The following PPP2R2B variants were observed in gnomAD, a reference collection of about 807,000 sequenced individuals.
The protein encoded by PPP2R2B is protein phosphatase 2 regulatory subunit Bbeta.
A neutral mutation model predicts 46.0 loss-of-function variants in PPP2R2B; 5 were observed. The observed-to-expected ratio is 0.11, with a 90% CI of 0.06 to 0.23. The LOEUF (loss-of-function observed/expected upper bound fraction) is 0.23, where lower values mean the gene tolerates loss of function less well. Among genes scored for constraint, PPP2R2B ranks in the 10% least tolerant of loss-of-function variants. The probability of loss-of-function intolerance (pLI) is 1.00; values close to 1 mark genes in which losing one functional copy is unlikely to be tolerated. For missense variants in PPP2R2B, 367 were observed against 575.0 expected (o/e 0.64, Z 3.70); for synonymous variants, 215 against 206.7 (o/e 1.04, Z -0.34).
chr5:146,870,487 C>T (rs1286571686), intron 2 of PPP2R2B, among the ~76,000 whole-genome samples: 1 of 152,190 alleles, frequency 6.6e-6, no homozygotes, highest in Non-Finnish European at 1.5e-5. Flanking sequence ...AGAGAACTCA[C>T]CAGAAACCAA....
rs573769358 is a variant in PPP2R2B, at chr5:146,751,199, G to C, written c.71-50057C>G. The C allele has an allele frequency of 2.0e-5, 3 of 152,380 alleles. No individual in the cohort carries two copies. In the South Asian group the frequency reaches 6.2e-4, roughly 32 times the overall value. 9.4% of individuals were successfully genotyped at this position (152,380 alleles called of 1,614,324 possible). On this transcript the variant is annotated intron_variant, in intron 2 of 9. Coordinates refer to ENST00000394411, the MANE Select transcript of PPP2R2B (RefSeq NM_181675.4). ...GTTAATTCAGTTGATGATTCAACAT[G>C]TGCTATTTAATCCATTGCCTCCAGA...
intron 5 of PPP2R2B, among the ~76,000 whole-genome samples, chr5:146,685,957 A>T (rs138889578): frequency 0.01 from 1,558 of 152,298 alleles, 6 homozygotes; most frequent in Middle Eastern, 0.017. Flanking sequence ...GACATCAATC[A>T]ATAATAAAAC....
At chr5:147,052,854 C>A (rs140046347) in intron 1 of PPP2R2B, among the ~76,000 whole-genome samples, 112 of 152,000 alleles carry the variant, frequency 7.4e-4, no homozygotes, top group African/African-American at 2.4e-3. Flanking sequence ...AGAACCAAAT[C>A]TCCTCTAATG....
At chr5:147,015,701 T>C (rs1440601744) in intron 1 of PPP2R2B, among the ~76,000 whole-genome samples, 1 of 151,254 alleles carries the variant, frequency 6.6e-6, no homozygotes, top group Non-Finnish European at 1.5e-5. Flanking sequence ...CTCTTGAATC[T>C]TTATTCTCTT....
chr5:146,818,774 G>T (rs1758085243), intron 2 of PPP2R2B, among the ~76,000 whole-genome samples: 1 of 152,148 alleles, frequency 6.6e-6, no homozygotes, highest in Admixed American at 6.5e-5. Context: ...AAAGGATGCT[G>T]GCCTGGACAT....
chr5:146,713,814 A>G (rs956719088), intron 2 of PPP2R2B, among the ~76,000 whole-genome samples: 5 of 152,136 alleles, frequency 3.3e-5, no homozygotes, highest in Non-Finnish European at 7.4e-5. Context: ...ATTGTGAGTA[A>G]AGCAGGCTTT....
chr5:146,756,442 T>C (rs906543690), intron 2 of PPP2R2B, among the ~76,000 whole-genome samples: 1 of 152,192 alleles, frequency 6.6e-6, no homozygotes, highest in African/African-American at 2.4e-5. Context: ...ACGGCAGATG[T>C]GAGGTTTCTT....
chr5:146,839,336 C>T (rs546218344), intron 2 of PPP2R2B, among the ~76,000 whole-genome samples: 4 of 152,196 alleles, frequency 2.6e-5, no homozygotes, highest in South Asian at 2.1e-4. Flanking sequence ...GCCTGGGCAA[C>T]GTGGTGAAAC....
intron 1 of PPP2R2B, among the ~76,000 whole-genome samples, chr5:146,957,668 C>T (rs1751973875): frequency 6.6e-6 from 1 of 152,106 alleles, no homozygotes; most frequent in Non-Finnish European, 1.5e-5. Context: ...TTGTACTCTA[C>T]CCAGCTTTAG....
chr5:146,795,587 G>A (rs1227935063), intron 2 of PPP2R2B, among the ~76,000 whole-genome samples: 1 of 152,052 alleles, frequency 6.6e-6, no homozygotes, highest in Non-Finnish European at 1.5e-5. Context: ...TATACAACAT[G>A]GTGACTACAG....
chr5:146,603,003 G>C (rs1224171284), intron 7 of PPP2R2B, among the ~76,000 whole-genome samples: 1 of 152,198 alleles, frequency 6.6e-6, no homozygotes, highest in African/African-American at 2.4e-5. Flanking sequence ...CAGTAAAGTG[G>C]ATGGGCTTAG....
intron 2 of PPP2R2B, chr5:147,081,055 C>T (rs1275400263): frequency 9.1e-6 from 14 of 1,534,612 alleles, no homozygotes; most frequent in South Asian, 1.2e-5. Context: ...GGGATTTCTC[C>T]TACCTTCTGT....
At chr5:146,592,267 A>G in intron 9 of PPP2R2B, 1 of 328,094 alleles carries the variant, frequency 3.0e-6, no homozygotes, top group Non-Finnish European at 5.9e-6. Context: ...AGAGAGAGAC[A>G]GTTCATATTC....
At chr5:147,007,024 A>G (rs1250320037) in intron 1 of PPP2R2B, among the ~76,000 whole-genome samples, 1 of 152,082 alleles carries the variant, frequency 6.6e-6, no homozygotes, top group African/African-American at 2.4e-5. Context: ...CTGTATTTTT[A>G]ACCTCCTTGT....
At chr5:146,886,485 G>C (rs980771801) in intron 1 of PPP2R2B, among the ~76,000 whole-genome samples, 4 of 152,118 alleles carry the variant, frequency 2.6e-5, no homozygotes, top group African/African-American at 9.7e-5. Flanking sequence ...ATGTGAGTTA[G>C]ATATCAATAC....
chr5:146,744,378 CTT>C (rs747920283), intron 2 of PPP2R2B, among the ~76,000 whole-genome samples: 18 of 152,122 alleles, frequency 1.2e-4, no homozygotes, highest in Non-Finnish European at 1.9e-4. Flanking sequence ...TCATTTTTGG[CTT>C]TTTAGATGAA....
intron 1 of PPP2R2B, among the ~76,000 whole-genome samples, chr5:146,989,909 A>G (rs1753613494): frequency 6.6e-6 from 1 of 151,946 alleles, no homozygotes; most frequent in African/African-American, 2.4e-5. Flanking sequence ...GTTGCAGGAT[A>G]CAAAATCAAC....
chr5:146,691,752 T>C (rs1394860413), intron 4 of PPP2R2B, among the ~76,000 whole-genome samples: 16 of 152,140 alleles, frequency 1.1e-4, no homozygotes, highest in Non-Finnish European at 7.4e-5. Context: ...ATCCTCTCCC[T>C]GCTCACTCAC....
At chr5:146,755,845 C>T (rs970572095) in intron 2 of PPP2R2B, among the ~76,000 whole-genome samples, 2 of 152,182 alleles carry the variant, frequency 1.3e-5, no homozygotes, top group South Asian at 2.1e-4. Flanking sequence ...TGATCCTCGT[C>T]TGTGGCTAGA....
Sources: gnomAD v4.1 joint callset for allele counts (sites outside exome capture counted in the v4.1 genomes callset) on GRCh38, gnomAD v4.1.1 for gene constraint, MANE v1.5 for transcripts, NCBI Gene and HGNC (gene_info 2026-07-23, HGNC 2026-07-21) for gene names.